NRCAM: variants seen among roughly 807,000 people sequenced by gnomAD.
NRCAM encodes NgCAM-related cell adhesion molecule.
A neutral mutation model predicts 156.5 loss-of-function variants in NRCAM; 83 were observed. The observed-to-expected ratio is 0.53, with a 90% CI of 0.44 to 0.64. The LOEUF (loss-of-function observed/expected upper bound fraction) is 0.64. Among genes scored for constraint, NRCAM ranks in the 30% least tolerant of loss-of-function variants. NRCAM has a pLI of 0.00. For synonymous variants in NRCAM, 538 were observed against 563.9 expected, an observed-to-expected ratio of 0.95 and a Z score of 0.65; for missense variants, 1,417 against 1,597.3, an observed-to-expected ratio of 0.89 and a Z score of 1.92.
At chr7:108,368,228 C>CG (rs1172443803) in intron 2 of NRCAM, among the ~76,000 whole-genome samples, 3 of 98,258 alleles carry the variant, frequency 3.1e-5, no homozygotes, top group East Asian at 5.0e-4. Flanking sequence ...TTTCATACCC[C>CG]CCCCCACCCC....
intron 2 of NRCAM, among the ~76,000 whole-genome samples, chr7:108,389,005 T>A (rs2099750828): frequency 6.6e-6 from 1 of 152,182 alleles, no homozygotes; most frequent in Non-Finnish European, 1.5e-5. Context: ...TGCCTCCAGC[T>A]TTGTTCTTTT....
chr7:108,412,900 G>T (rs1797192047), intron 1 of NRCAM, among the ~76,000 whole-genome samples: 1 of 152,128 alleles, frequency 6.6e-6, no homozygotes, highest in Non-Finnish European at 1.5e-5. Flanking sequence ...TGGCTATATA[G>T]TATTCTATTG....
chr7:108,333,787 C>G (rs1471942645), intron 2 of NRCAM, among the ~76,000 whole-genome samples: 2 of 152,192 alleles, frequency 1.3e-5, no homozygotes. Context: ...ATCAATGCAA[C>G]TCTTTTAACT....
intron 3 of NRCAM, among the ~76,000 whole-genome samples, chr7:108,275,569 G>A (rs1034810523): frequency 2.0e-5 from 3 of 152,148 alleles, no homozygotes; most frequent in Middle Eastern, 3.2e-3. Flanking sequence ...ATTTCTGCGG[G>A]ATCGATGGTG....
At chr7:108,395,433 T>C (rs568104190) in intron 2 of NRCAM, among the ~76,000 whole-genome samples, 4 of 152,342 alleles carry the variant, frequency 2.6e-5, no homozygotes, top group African/African-American at 4.8e-5. Context: ...TATGATGGGA[T>C]TGAATTTGTA....
At chr7:108,332,414 T>C (rs186171300) in intron 2 of NRCAM, among the ~76,000 whole-genome samples, 1 of 152,292 alleles carries the variant, frequency 6.6e-6, no homozygotes, top group African/African-American at 2.4e-5. Context: ...AGAATGAAAT[T>C]TGCTTTTTTG....
At chr7:108,308,013 T>C (rs2098744250) in intron 3 of NRCAM, among the ~76,000 whole-genome samples, 1 of 152,208 alleles carries the variant, frequency 6.6e-6, no homozygotes, top group Non-Finnish European at 1.5e-5. Context: ...TGTCCATACT[T>C]GGAGTATCTC....
At chr7:108,437,697 G>A (rs899090174) in intron 1 of NRCAM, among the ~76,000 whole-genome samples, 4 of 151,830 alleles carry the variant, frequency 2.6e-5, no homozygotes, top group African/African-American at 4.8e-5. Flanking sequence ...ATGATCCTTC[G>A]AAAACAAAGC....
At chr7:108,234,709 A>C in intron 5 of NRCAM, 21 bp from the exon 6 acceptor site, 1 of 1,507,314 alleles carries the variant, frequency 6.6e-7, no homozygotes, top group Non-Finnish European at 9.2e-7. Context: ...GAAAAAAAAA[A>C]ATGTAAAAAA....
chr7:108,390,622 A>G (rs765481878), intron 2 of NRCAM, among the ~76,000 whole-genome samples: 2 of 151,932 alleles, frequency 1.3e-5, no homozygotes, highest in Non-Finnish European at 2.9e-5. Context: ...TAGCTTTTGA[A>G]TGTGCTTGCT....
At chr7:108,174,234 T>C (rs2059627389) in intron 28 of NRCAM, among the ~76,000 whole-genome samples, 1 of 152,258 alleles carries the variant, frequency 6.6e-6, no homozygotes, top group South Asian at 2.1e-4. Flanking sequence ...TTAAGATTAC[T>C]GAAAATGGCT....
intron 14 of NRCAM, among the ~76,000 whole-genome samples, chr7:108,196,139 A>C (rs192444729): frequency 3.9e-5 from 6 of 152,294 alleles, no homozygotes; most frequent in Non-Finnish European, 8.8e-5. Context: ...TCAGGGAATG[A>C]GACTTTTGTC....
chr7:108,268,621 G>GC (rs2097198121), intron 3 of NRCAM, among the ~76,000 whole-genome samples: 1 of 112,974 alleles, frequency 8.9e-6, no homozygotes, highest in Non-Finnish European at 1.8e-5. Context: ...GGCGGGGGTG[G>GC]GGGTGGGGGG....
At chr7:108,364,475 A>T (rs1207133828) in intron 2 of NRCAM, among the ~76,000 whole-genome samples, 1 of 152,198 alleles carries the variant, frequency 6.6e-6, no homozygotes, top group Admixed American at 6.5e-5. Context: ...ATATAGAGTT[A>T]CTATATGACC....
intron 2 of NRCAM, among the ~76,000 whole-genome samples, chr7:108,316,193 G>A (rs1015460910): frequency 3.9e-5 from 6 of 152,148 alleles, no homozygotes; most frequent in African/African-American, 1.4e-4. Flanking sequence ...GTTCTCACAA[G>A]AGTGGATTTG....
intron 7 of NRCAM, among the ~76,000 whole-genome samples, chr7:108,231,910 G>C (rs2094387126): frequency 1.3e-5 from 2 of 151,922 alleles, no homozygotes; most frequent in Non-Finnish European, 2.9e-5. Context: ...AAGGTAGTGA[G>C]GACACTCCAC....
At chr7:108,237,074 A>G (rs2095102666) in intron 5 of NRCAM, among the ~76,000 whole-genome samples, 1 of 152,210 alleles carries the variant, frequency 6.6e-6, no homozygotes, top group Non-Finnish European at 1.5e-5. Context: ...GTGATTTTAC[A>G]TAATTTTCCT....
rs1347515130 is a variant in NRCAM at position 108,362,263 on chromosome 7, T to C, written c.-174+37173A>G. Among the ~76,000 whole-genome samples, 4 of 152,088 alleles carry C rather than the reference T, an allele frequency of 2.6e-5. No homozygotes were observed. In the East Asian group the frequency reaches 5.8e-4, roughly 22 times the overall value. On this transcript the variant is annotated intron_variant, in intron 2 of 32. Coordinates refer to ENST00000379028, the MANE Select transcript of NRCAM (RefSeq NM_001037132.4). ...AAAGGAGTGAGGGATCTTTCTGGGG[T>C]CTCTTTTATAAGAGCACTAATCCCA...
chr7:108,317,156 G>C (rs983947422), intron 2 of NRCAM, among the ~76,000 whole-genome samples: 1 of 152,188 alleles, frequency 6.6e-6, no homozygotes, highest in African/African-American at 2.4e-5. Flanking sequence ...ATCACTAACA[G>C]TGAACTGTTA....
Sources: gnomAD v4.1 joint callset for allele counts (sites outside exome capture counted in the v4.1 genomes callset) on GRCh38, gnomAD v4.1.1 for gene constraint, MANE v1.5 for transcripts, NCBI Gene and HGNC (gene_info 2026-07-23, HGNC 2026-07-21) for gene names.